Variants in CCSER1 observed in about 807,000 individuals in gnomAD.
The protein encoded by CCSER1 is coiled-coil serine rich protein 1, also known as serine-rich coiled-coil domain-containing protein 1.
CCSER1 carries 41 observed loss-of-function variants against 82.0 expected under a neutral mutation model. That is an observed-to-expected ratio of 0.50 (90% CI 0.39 to 0.65). CCSER1 has a LOEUF of 0.65. Among genes scored for constraint, CCSER1 ranks in the 30% least tolerant of loss-of-function variants. The probability of loss-of-function intolerance (pLI) is 0.00; values close to 1 mark genes in which losing one functional copy is unlikely to be tolerated. For synonymous variants in CCSER1, 414 were observed against 383.9 expected (o/e 1.08, Z -0.92); for missense variants, 1,119 against 1,064.2 (o/e 1.05, Z -0.72).
chr4:90,795,431 T>C (rs1755860529), intron 7 of CCSER1, among the ~76,000 whole-genome samples: 3 of 152,224 alleles, frequency 2.0e-5, no homozygotes, highest in Admixed American at 2.0e-4. Context: ...AGGATCATGC[T>C]TTCTGCAAAC....
intron 8 of CCSER1, among the ~76,000 whole-genome samples, chr4:90,846,713 T>C (rs1012388061): frequency 1.4e-5 from 2 of 143,516 alleles, no homozygotes; most frequent in African/African-American, 5.3e-5. Context: ...CCAACCCGTC[T>C]TCATCTCTCC....
intron 1 of CCSER1, among the ~76,000 whole-genome samples, chr4:90,291,436 A>C (rs1022716706): frequency 1.3e-5 from 2 of 152,008 alleles, no homozygotes; most frequent in Non-Finnish European, 2.9e-5. Context: ...CACCCTTGCT[A>C]CTGGGCACAG....
intron 10 of CCSER1, among the ~76,000 whole-genome samples, chr4:91,177,764 A>T (rs989300463): frequency 6.6e-6 from 1 of 152,094 alleles, no homozygotes; most frequent in African/African-American, 2.4e-5. Context: ...TTCAAAAAAC[A>T]ATCTCCTGGA....
intron 2 of CCSER1, among the ~76,000 whole-genome samples, chr4:90,312,178 A>T (rs2153480601): frequency 6.6e-6 from 1 of 152,284 alleles, no homozygotes; most frequent in African/African-American, 2.4e-5. Context: ...TGTGAGTCAA[A>T]GGCTGTGTAG....
intron 10 of CCSER1, among the ~76,000 whole-genome samples, chr4:91,100,627 C>T (rs528917772): frequency 6.6e-6 from 1 of 152,086 alleles, no homozygotes; most frequent in African/African-American, 2.4e-5. Flanking sequence ...ATTCTATTTC[C>T]ACATGTTATA....
At chr4:90,953,783 A>G (rs1174516227) in intron 9 of CCSER1, among the ~76,000 whole-genome samples, 1 of 151,934 alleles carries the variant, frequency 6.6e-6, no homozygotes, top group African/African-American at 2.4e-5. Context: ...TTTCATCCAT[A>G]GTATAGGTTT....
chr4:90,260,109 G>T (rs929509327), intron 1 of CCSER1, among the ~76,000 whole-genome samples: 1 of 151,934 alleles, frequency 6.6e-6, no homozygotes, highest in African/African-American at 2.4e-5. Flanking sequence ...CTTTTCACTG[G>T]CAATTTTTTA....
intron 10 of CCSER1, among the ~76,000 whole-genome samples, chr4:91,135,144 T>C (rs77332160): frequency 6.6e-6 from 1 of 152,116 alleles, no homozygotes; most frequent in Non-Finnish European, 1.5e-5. Flanking sequence ...GCAGTGATGG[T>C]TGAAGCCATA....
chr4:90,593,929 A>G (rs1188404418), intron 5 of CCSER1, among the ~76,000 whole-genome samples: 1 of 152,074 alleles, frequency 6.6e-6, no homozygotes, highest in Non-Finnish European at 1.5e-5. Context: ...TTCAGCTCAT[A>G]GTAGGATCTC....
intron 10 of CCSER1, among the ~76,000 whole-genome samples, chr4:91,555,878 G>A (rs1244748145): frequency 6.6e-6 from 1 of 151,156 alleles, no homozygotes; most frequent in African/African-American, 2.4e-5. Context: ...AGCATCCCCA[G>A]GGGTGTGTAA....
At chr4:90,279,470 C>G (rs1728504514) in intron 1 of CCSER1, among the ~76,000 whole-genome samples, 1 of 151,944 alleles carries the variant, frequency 6.6e-6, no homozygotes, top group Non-Finnish European at 1.5e-5. Flanking sequence ...TAGCAGACTT[C>G]TAGGAAGGTG....
intron 1 of CCSER1, among the ~76,000 whole-genome samples, chr4:90,295,625 C>T (rs1389891313): frequency 2.0e-5 from 3 of 151,936 alleles, no homozygotes; most frequent in Admixed American, 2.0e-4. Flanking sequence ...ATTCTTTGCT[C>T]ACTTATTTTT....
intron 9 of CCSER1, among the ~76,000 whole-genome samples, chr4:91,067,037 T>C (rs963538941): frequency 2.0e-4 from 30 of 152,054 alleles, no homozygotes; most frequent in Admixed American, 1.7e-3. Context: ...TGGTGGCAGG[T>C]GCCTGTAGTC....
intron 7 of CCSER1, among the ~76,000 whole-genome samples, chr4:90,730,231 C>T (rs757703324): frequency 2.2e-4 from 33 of 152,306 alleles, no homozygotes; most frequent in Non-Finnish European, 4.0e-4. Context: ...TTCACAACAT[C>T]ATCTGTTGTG....
chr4:91,209,669 TTTTC>T (rs1224937598), intron 10 of CCSER1, among the ~76,000 whole-genome samples: 1 of 151,796 alleles, frequency 6.6e-6, no homozygotes, highest in African/African-American at 2.4e-5. Flanking sequence ...TAGCCTGAAG[TTTTC>T]TTTCTTTGTT....
At chr4:91,574,876 C>T (rs938848401) in intron 10 of CCSER1, among the ~76,000 whole-genome samples, 1 of 151,488 alleles carries the variant, frequency 6.6e-6, no homozygotes, top group Admixed American at 6.6e-5. Flanking sequence ...ACATGTACCC[C>T]GAGAATCTAA....
At chr4:90,869,614 C>T (rs975931021) in intron 8 of CCSER1, among the ~76,000 whole-genome samples, 5 of 151,242 alleles carry the variant, frequency 3.3e-5, no homozygotes, top group African/African-American at 9.7e-5. Flanking sequence ...AGCTTTGTAG[C>T]GTTAAGTTGA....
intron 4 of CCSER1, among the ~76,000 whole-genome samples, chr4:90,467,844 C>G (rs1763845265): frequency 6.6e-6 from 1 of 152,094 alleles, no homozygotes. Context: ...GGAAGGGGTA[C>G]CACAGGAGGA....
rs559882532 is a variant in CCSER1 at position 91,566,443 on chromosome 4, G to A, written c.2218-32129G>A. Among the ~76,000 whole-genome samples the A allele has an allele frequency of 2.2e-4, 34 of 152,182 alleles. No individual in the cohort carries two copies. The South Asian group carries it at 7.0e-3, about 32-fold the overall frequency. On this transcript the variant is annotated intron_variant, in intron 10 of 10. Transcript: ENST00000509176. Reference sequence around the variant, plus strand: ...GGAGCCCCTCCTCCTCAATTTTTTGGAATAGTTTCTGTAGGAATGACACTA... The same window carrying A: ...GGAGCCCCTCCTCCTCAATTTTTTGAAATAGTTTCTGTAGGAATGACACTA...
Sources: allele counts gnomAD v4.1 joint callset (sites outside exome capture counted in the v4.1 genomes callset), GRCh38; gene constraint gnomAD v4.1.1; transcripts MANE v1.5; gene names NCBI Gene and HGNC (gene_info 2026-07-23, HGNC 2026-07-21).